Variants in ABCA13 observed in about 807,000 individuals in gnomAD.
The protein encoded by ABCA13 is ATP-binding cassette sub-family A member 13.
A neutral mutation model predicts 478.7 loss-of-function variants in ABCA13; 476 were observed. That is an observed-to-expected ratio of 0.99 (90% confidence interval 0.92 to 1.07). ABCA13 has a LOEUF of 1.07. ABCA13 is among the 50% of genes least tolerant of loss of function. The pLI, the probability that ABCA13 is intolerant of heterozygous loss-of-function variation, is 0.00. For synonymous variants in ABCA13, 2,252 were observed against 2,158.9 expected (o/e 1.04, Z -1.20); for missense variants, 6,060 against 5,910.6 (o/e 1.03, Z -0.83).
At chr7:48,551,114 T>G (rs1369780070) in intron 55 of ABCA13, among the ~76,000 whole-genome samples, 1 of 150,352 alleles carries the variant, frequency 6.7e-6, no homozygotes, top group Admixed American at 6.7e-5. Flanking sequence ...TTCAGCTACC[T>G]GAATTTTCTG....
At chr7:48,288,212 C>A in intron 20 of ABCA13, 134 bp downstream of exon 20, 1 of 824,096 alleles carries the variant, frequency 1.2e-6, no homozygotes, top group Non-Finnish European at 1.9e-6. Flanking sequence ...TTGTTGCAAG[C>A]TGGGCTTGCA....
In ABCA13 at chr7:48,227,377, T is replaced by G. The variant is rs1788377793; in HGVS notation, c.584T>G (p.Val195Gly). Residue 195 changes from valine to glycine, a missense_variant, in exon 6 of 62, where the codon GTG becomes GGG. Val to Gly is a moderately radical substitution (Grantham distance 109). Around this residue, in one of 3 missense-constraint regions of ABCA13, gnomAD observed 4,423 missense variants for 4,309.1 expected, o/e 1.03. Coordinates refer to ENST00000435803, the MANE Select transcript of ABCA13 (RefSeq NM_152701.5). ...AGACTACACACAAGCCATGATCATG[T>G]GGAAGATGGCATGGATGTTGCAGTG... ...LPRLHTSHDH[V>G]EDGMDVAVNL... 2.1e-5 allele frequency: 34 copies of G among 1,614,016 alleles called. No homozygotes were observed. Among genetic ancestry groups the G allele is most frequent in the Non-Finnish European group, 2.8e-5 (33 of 1,179,892 alleles).
chr7:48,275,760 G>A lies in ABCA13; in HGVS notation c.6094G>A (p.Ala2032Thr), dbSNP rs1309378286. The A allele has an allele frequency of 3.1e-6, 5 of 1,610,374 alleles. No individual in the cohort carries two copies. The highest frequency in any genetic ancestry group is 4.2e-6 in the Non-Finnish European group (5 of 1,178,020). Residue 2032 changes from alanine to threonine, a missense_variant, in exon 17 of 62, where the codon GCA (alanine) becomes ACA (threonine). By Grantham distance (58) the Ala-to-Thr change is moderately conservative. Around this residue, in one of 3 missense-constraint regions of ABCA13, gnomAD observed 4,423 missense variants for 4,309.1 expected, o/e 1.03. Coordinates refer to ENST00000435803, the MANE Select transcript of ABCA13 (RefSeq NM_152701.5). ...CTCTTTATTCATGATGCTCCAGAAT[G>A]CAAATGTCACAGGTAGCAGTTTAGA... ...LLSLFMMLQN[A>T]NVTGSSLEAL...
chr7:48,224,813 ATGT>A (rs1787915741), intron 5 of ABCA13, among the ~76,000 whole-genome samples: 1 of 152,066 alleles, frequency 6.6e-6, no homozygotes, highest in Admixed American at 6.6e-5. Context: ...AATATTTCAT[ATGT>A]TGTTATAGTT....
intron 23 of ABCA13, among the ~76,000 whole-genome samples, chr7:48,305,720 AAT>A (rs1305602955): frequency 6.6e-6 from 1 of 152,200 alleles, no homozygotes; most frequent in East Asian, 1.9e-4. Flanking sequence ...TCTTGCTAAA[AAT>A]GCAAATGCCT....
chr7:48,297,940 A>ATTTTT (rs35586036), intron 22 of ABCA13, among the ~76,000 whole-genome samples: 2 of 131,276 alleles, frequency 1.5e-5, no homozygotes, highest in South Asian at 2.5e-4. Flanking sequence ...ATGCCCGGCT[A>ATTTTT]TTTTTTTTTT....
intron 35 of ABCA13, 50 bp downstream of exon 35, chr7:48,376,622 T>C (rs1340754037): frequency 2.5e-6 from 4 of 1,575,180 alleles, no homozygotes; most frequent in Non-Finnish European, 3.5e-6. Flanking sequence ...TAAAAACAGT[T>C]TGAATTAATA....
At chr7:48,458,411 T>C (rs1825897269) in intron 43 of ABCA13, among the ~76,000 whole-genome samples, 1 of 152,182 alleles carries the variant, frequency 6.6e-6, no homozygotes, top group African/African-American at 2.4e-5. Context: ...AGATTGCCAT[T>C]ACACTCCCTC....
intron 29 of ABCA13, among the ~76,000 whole-genome samples, chr7:48,346,718 C>A (rs1405450980): frequency 1.3e-5 from 2 of 152,126 alleles, no homozygotes; most frequent in Admixed American, 6.5e-5. Flanking sequence ...CTTTTCACAG[C>A]AATTTCATGG....
At chr7:48,454,968 C>T in intron 42 of ABCA13, 69 bp from the exon 43 acceptor site, 2 of 1,425,772 alleles carry the variant, frequency 1.4e-6, no homozygotes, top group Non-Finnish European at 9.1e-7. Context: ...ACCGAGAGGG[C>T]AAACGAGGCA....
intron 59 of ABCA13, among the ~76,000 whole-genome samples, chr7:48,621,738 G>A (rs536047092): frequency 2.6e-4 from 39 of 152,136 alleles, no homozygotes; most frequent in Non-Finnish European, 5.1e-4. Flanking sequence ...CATAAGTTAA[G>A]AACTAACCAA....
intron 2 of ABCA13, among the ~76,000 whole-genome samples, chr7:48,193,432 A>G (rs1479132088): frequency 6.6e-6 from 1 of 151,762 alleles, no homozygotes; most frequent in Non-Finnish European, 1.5e-5. Flanking sequence ...GTGGTGAGAA[A>G]ATAATGATGC....
At chr7:48,457,343 C>G (rs1406548098) in intron 43 of ABCA13, among the ~76,000 whole-genome samples, 3 of 101,176 alleles carry the variant, frequency 3.0e-5, no homozygotes, top group East Asian at 3.3e-4. Flanking sequence ...CTCCTCCCCT[C>G]TCTCAACTTT....
intron 53 of ABCA13, among the ~76,000 whole-genome samples, chr7:48,523,492 T>G (rs1832693464): frequency 6.6e-6 from 1 of 152,022 alleles, no homozygotes; most frequent in African/African-American, 2.4e-5. Context: ...TACATGGCAA[T>G]TTACACTGTC....
intron 34 of ABCA13, among the ~76,000 whole-genome samples, chr7:48,375,345 C>T (rs1209463762): frequency 3.9e-5 from 6 of 152,096 alleles, no homozygotes; most frequent in Non-Finnish European, 8.8e-5. Context: ...CTAGTTCTTC[C>T]TTTCTAATTA....
intron 19 of ABCA13, among the ~76,000 whole-genome samples, chr7:48,287,557 A>G (rs1381463552): frequency 2.6e-5 from 4 of 152,124 alleles, no homozygotes; most frequent in Non-Finnish European, 5.9e-5. Flanking sequence ...CCACACATAG[A>G]CAGTGTGTAA....
chr7:48,372,443 C>G lies in ABCA13; in HGVS notation c.11079C>G (p.Tyr3693Ter), dbSNP rs1194428924. The change falls in exon 33 of 62, where the codon TAC becomes TAG. Residue 3693 changes from tyrosine (Y) to a stop codon, truncating the protein, a stop_gained. Coordinates refer to ENST00000435803, the MANE Select transcript of ABCA13 (RefSeq NM_152701.5). LOFTEE classifies it high-confidence loss of function. The part of the protein sequence containing the change: ...SLVYMISFLP[Y>*]IVLLVLHNQL... ...TGTACATGATCAGCTTTCTGCCCTA[C>G]ATAGTTCTATTGGTTCTACATAACC... The G allele has an allele frequency of 9.3e-6, 15 of 1,612,166 alleles. No homozygotes were observed. The East Asian group carries it at 3.3e-4, about 36-fold the overall frequency.
At chr7:48,281,890 T>A (rs540747124) in intron 19 of ABCA13, among the ~76,000 whole-genome samples, 6 of 152,198 alleles carry the variant, frequency 3.9e-5, no homozygotes, top group Non-Finnish European at 7.3e-5. Flanking sequence ...AGTCAATATT[T>A]TTTGAAGATA....
chr7:48,365,046 C>T (rs1811461273), intron 31 of ABCA13, among the ~76,000 whole-genome samples: 1 of 152,112 alleles, frequency 6.6e-6, no homozygotes, highest in Admixed American at 6.5e-5. Flanking sequence ...TGGGTTTTCC[C>T]TTTTCTCCAA....
Sources: gnomAD v4.1 joint callset for allele counts (sites outside exome capture counted in the v4.1 genomes callset) on GRCh38, gnomAD v4.1.1 for gene constraint, gnomAD v4.1.1 regional missense constraint, MANE v1.5 for transcripts, NCBI Gene and HGNC (gene_info 2026-07-23, HGNC 2026-07-21) for gene names.